NLGN1: variants seen among roughly 807,000 people sequenced by gnomAD.
NLGN1 encodes the protein neuroligin 1, also known as neuroligin-1.
Under a neutral mutation model 65.5 loss-of-function variants are expected in NLGN1, and 12 were observed. That is an observed-to-expected ratio of 0.18 (90% CI 0.12 to 0.30). The LOEUF is 0.30. Ranked by LOEUF, NLGN1 falls within the 10% of genes least tolerant of loss-of-function variation. The pLI is 1.00. For synonymous variants in NLGN1, 350 were observed against 359.5 expected (o/e 0.97, Z 0.30); for missense variants, 750 against 1,007.1 (o/e 0.74, Z 3.46).
intron 4 of NLGN1, among the ~76,000 whole-genome samples, chr3:174,111,292 G>A (rs1214283919): frequency 2.0e-5 from 3 of 151,842 alleles, no homozygotes; most frequent in African/African-American, 7.2e-5. Context: ...CCAGTAACTA[G>A]TAGTTAATTC....
intron 3 of NLGN1, among the ~76,000 whole-genome samples, chr3:173,807,336 A>G (rs1716884717): frequency 2.0e-5 from 3 of 152,144 alleles, no homozygotes; most frequent in African/African-American, 7.2e-5. Context: ...ATATTTTTAA[A>G]AAGTAGTCCT....
In NLGN1 at chr3:173,415,890, A is replaced by AATATATATATAT. The variant is rs149873787; in HGVS notation, c.-390+17407_-390+17418dup. ...TACCTGTGGAACATTGCAAGGAGTA[A>AATATATATATAT]ATATATATATATATAGAGAGAGAGA... On this transcript the variant is annotated intron_variant, in intron 1 of 6. Coordinates refer to ENST00000457714, the Ensembl canonical transcript of NLGN1. Among the ~76,000 whole-genome samples the AATATATATATAT allele has an allele frequency of 8.8e-3, 1,177 of 134,286 alleles. 10 individuals carry two copies. Among genetic ancestry groups the AATATATATATAT allele is most frequent in the African/African-American group, 0.022 (681 of 30,956 alleles). 88.1% of individuals were successfully genotyped at this position (134,286 alleles called of 152,430 possible).
intron 3 of NLGN1, among the ~76,000 whole-genome samples, chr3:173,675,905 A>T (rs1763104982): frequency 6.6e-6 from 1 of 151,380 alleles, no homozygotes; most frequent in Non-Finnish European, 1.5e-5. Flanking sequence ...ACACACACAC[A>T]CACACACACA....
intron 1 of NLGN1, among the ~76,000 whole-genome samples, chr3:173,426,845 G>T (rs1303385930): frequency 2.0e-5 from 3 of 152,030 alleles, no homozygotes; most frequent in African/African-American, 4.8e-5. Context: ...CTCATAGAAT[G>T]AGTTTGAAAG....
rs189373567 is a variant in NLGN1 at position 173,984,075 on chromosome 3, T to G, written c.646+176243T>G. Among the ~76,000 whole-genome samples the G allele has an allele frequency of 3.4e-3, 518 of 152,270 alleles. 6 individuals are homozygous for G. Among genetic ancestry groups the G allele is most frequent in the Non-Finnish European group, 5.7e-3 (387 of 68,018 alleles). On this transcript the variant is annotated intron_variant, in intron 4 of 6. Coordinates refer to ENST00000457714, the Ensembl canonical transcript of NLGN1. ...TGTTTCTCAATTAAAAGCAAAACAA[T>G]GTGATGCCCCAGGTGATTTTAATTA... is the stretch of plus-strand genomic sequence containing the variant.
chr3:173,951,464 T>A (rs1579374617), intron 4 of NLGN1, among the ~76,000 whole-genome samples: 1 of 151,702 alleles, frequency 6.6e-6, no homozygotes, highest in African/African-American at 2.4e-5. Context: ...ATTCTTTTTT[T>A]TTTTTTTCTT....
At chr3:173,831,327 TAAAAG>T (rs1432180280) in intron 4 of NLGN1, among the ~76,000 whole-genome samples, 1 of 152,088 alleles carries the variant, frequency 6.6e-6, no homozygotes, top group Non-Finnish European at 1.5e-5. Flanking sequence ...ATCTGCAAAA[TAAAAG>T]AGAAGATAAA....
chr3:174,251,067 C>T (rs1744689104), intron 4 of NLGN1, among the ~76,000 whole-genome samples: 1 of 151,674 alleles, frequency 6.6e-6, no homozygotes, highest in Non-Finnish European at 1.5e-5. Flanking sequence ...CATCTTCCAT[C>T]ACAGCAAGAT....
At chr3:173,448,033 C>A (rs1211810046) in intron 2 of NLGN1, among the ~76,000 whole-genome samples, 2 of 152,156 alleles carry the variant, frequency 1.3e-5, no homozygotes, top group African/African-American at 2.4e-5. Context: ...TTCCTCTTGT[C>A]CTAATTGAAT....
chr3:174,052,885 T>G (rs1318511832), intron 4 of NLGN1, among the ~76,000 whole-genome samples: 1 of 152,040 alleles, frequency 6.6e-6, no homozygotes. Context: ...AGCCACCTGC[T>G]TTGTGCAAGT....
chr3:173,408,837 G>A (rs1241749964), intron 1 of NLGN1, among the ~76,000 whole-genome samples: 1 of 151,512 alleles, frequency 6.6e-6, no homozygotes. Context: ...GTGTGAACCC[G>A]GGAGGCTGAG....
In NLGN1 at chr3:174,280,756, A is replaced by T; in HGVS notation, c.1925A>T (p.Asn642Ile). The T allele has an allele frequency of 1.2e-6, 2 of 1,613,364 alleles. No individual in the cohort carries two copies. The highest frequency in any genetic ancestry group is 2.2e-5 in the South Asian group (2 of 91,086). ...ATCACTTTCAGACCTACGAGAAAAA[A>T]TTCTGTACCTGTCACGTCAGCCTTT... Residue 642 changes from asparagine to isoleucine, a missense_variant, in exon 7 of 7, where the codon AAT becomes ATT. Asn to Ile is a moderately radical substitution (Grantham distance 149). Coordinates refer to ENST00000457714, the Ensembl canonical transcript of NLGN1. The surrounding 1 kb of genome is among the most constrained non-coding windows in gnomAD (Gnocchi z 4.9).
intron 2 of NLGN1, among the ~76,000 whole-genome samples, chr3:173,498,490 T>C (rs1730420859): frequency 6.6e-6 from 1 of 151,890 alleles, no homozygotes; most frequent in Non-Finnish European, 1.5e-5. Context: ...TCTTTACTAT[T>C]GTGAATAGTG....
intron 2 of NLGN1, among the ~76,000 whole-genome samples, chr3:173,585,774 G>C (rs1206934628): frequency 6.6e-6 from 1 of 152,148 alleles, no homozygotes. Context: ...GCCACTTACT[G>C]GCTTTTCTTT....
At chr3:173,474,117 A>C (rs527510526) in intron 2 of NLGN1, among the ~76,000 whole-genome samples, 11 of 151,616 alleles carry the variant, frequency 7.3e-5, no homozygotes, top group African/African-American at 2.7e-4. Flanking sequence ...ACCCTCTTCA[A>C]CCTCAGCCTC....
At chr3:174,104,837 A>G (rs1713362107) in intron 4 of NLGN1, among the ~76,000 whole-genome samples, 2 of 152,108 alleles carry the variant, frequency 1.3e-5, no homozygotes, top group African/African-American at 4.8e-5. Context: ...GGTTGTATTG[A>G]GATAGGAAAC....
At chr3:173,716,574 C>T (rs1435845661) in intron 3 of NLGN1, among the ~76,000 whole-genome samples, 1 of 152,056 alleles carries the variant, frequency 6.6e-6, no homozygotes, top group East Asian at 1.9e-4. Flanking sequence ...CCTGAGGGGT[C>T]AGTTGATGCA....
chr3:173,657,964 T>G (rs1390588075), intron 3 of NLGN1, among the ~76,000 whole-genome samples: 2 of 151,878 alleles, frequency 1.3e-5, no homozygotes, highest in South Asian at 2.1e-4. Context: ...AGTTTGTAAG[T>G]GCATGGTGAC....
chr3:173,468,800 T>A (rs780798541), intron 2 of NLGN1, among the ~76,000 whole-genome samples: 5 of 152,034 alleles, frequency 3.3e-5, no homozygotes, highest in Non-Finnish European at 5.9e-5. Flanking sequence ...TTGAATCAAC[T>A]CAGTTTCATA....
Sources: gnomAD v4.1 joint callset for allele counts (sites outside exome capture counted in the v4.1 genomes callset) on GRCh38, gnomAD v4.1.1 for gene constraint, Gnocchi (gnomAD v3.1) non-coding constraint, MANE v1.5 for transcripts, NCBI Gene and HGNC (gene_info 2026-07-23, HGNC 2026-07-21) for gene names.